The following VWA3B variants were observed in gnomAD, a reference collection of about 807,000 sequenced individuals.
The protein encoded by VWA3B is von Willebrand factor A domain-containing protein 3B.
VWA3B carries 138 observed loss-of-function variants against 158.3 expected under a neutral mutation model. The ratio of observed to expected loss-of-function variants is 0.87; its 90% CI spans 0.76 to 1.00. The LOEUF (loss-of-function observed/expected upper bound fraction) is 1.00, where lower values mean the gene tolerates loss of function less well. VWA3B is among the 50% of genes least tolerant of loss of function. VWA3B has a pLI of 0.00. For synonymous variants in VWA3B, 596 were observed against 587.3 expected (o/e 1.01, Z -0.21); for missense variants, 1,555 against 1,565.1 (o/e 0.99, Z 0.11).
chr2:98,300,532 G>A (rs924454881), intron 25 of VWA3B, among the ~76,000 whole-genome samples: 4 of 152,012 alleles, frequency 2.6e-5, no homozygotes, highest in African/African-American at 4.8e-5. Flanking sequence ...TCATCCTCGC[G>A]TCCTCATCCT....
At chr2:98,194,996 T>C (rs971363630) in intron 12 of VWA3B, among the ~76,000 whole-genome samples, 2 of 152,214 alleles carry the variant, frequency 1.3e-5, no homozygotes, top group African/African-American at 4.8e-5. Context: ...TCCTCAGAAG[T>C]GACTGCCCTT....
intron 19 of VWA3B, among the ~76,000 whole-genome samples, chr2:98,240,717 T>A: frequency 6.6e-6 from 1 of 152,148 alleles, no homozygotes; most frequent in East Asian, 1.9e-4. Context: ...CCTCATTGGT[T>A]CATATGCTGA....
chr2:98,252,043 G>A (rs527986171), intron 20 of VWA3B, among the ~76,000 whole-genome samples: 15 of 152,270 alleles, frequency 9.9e-5, no homozygotes, highest in South Asian at 2.1e-4. Flanking sequence ...GCTCCTCTCC[G>A]GTTATGCTGC....
chr2:98,326,881 G>C, the VWA3B span, among the ~76,000 whole-genome samples: 1 of 151,866 alleles, frequency 6.6e-6, no homozygotes, highest in African/African-American at 2.4e-5. Flanking sequence ...AGCCAGAAAA[G>C]ATAAACAGAT....
chr2:98,090,246 CAT>C (rs1211524210), intron 1 of VWA3B, among the ~76,000 whole-genome samples: 3 of 152,138 alleles, frequency 2.0e-5, no homozygotes, highest in Non-Finnish European at 4.4e-5. Flanking sequence ...CAAGTTGAGG[CAT>C]ATTAGTCTGC....
chr2:98,166,764 G>A (rs1679105473), intron 8 of VWA3B, among the ~76,000 whole-genome samples: 1 of 147,264 alleles, frequency 6.8e-6, no homozygotes, highest in African/African-American at 2.6e-5. Flanking sequence ...CAGATACTGG[G>A]CAATGATGTA....
At chr2:98,115,873 G>A (rs896701807) in intron 3 of VWA3B, 127 bp downstream of exon 3, 2 of 688,412 alleles carry the variant, frequency 2.9e-6, no homozygotes, top group African/African-American at 3.6e-5. Context: ...TTATTAGGCT[G>A]GGGGTTTTCT....
In VWA3B at chr2:98,217,979, A is replaced by G; in HGVS notation, c.1970A>G (p.His657Arg). 1 of 1,612,924 alleles carries G rather than the reference A, an allele frequency of 6.2e-7. No homozygotes were observed. The highest frequency in any genetic ancestry group is 1.1e-5 in the South Asian group (1 of 90,918). Residue 657 changes from histidine to arginine, a missense_variant, in exon 14 of 28, where the codon CAT becomes CGT. Coordinates refer to ENST00000477737, the MANE Select transcript of VWA3B (RefSeq NM_144992.5). ...EVAALTGGEF[H>R]FYNFGCKDPT... ...GCTGCTTTGACTGGAGGAGAGTTCC[A>G]TTTTTATAATTTTGGTTGCAAGGAT...
In VWA3B at chr2:98,117,845, C is replaced by T. The variant is rs547406726; in HGVS notation, c.292-1668C>T. The stretch of plus-strand genomic sequence containing the variant: ...GCTCACTCCGCCTCCTGCGTTCAAG[C>T]GATTCTCCAGCCTCGGCCTCCCAAG... On this transcript the variant is annotated intron_variant, in intron 3 of 27. Coordinates refer to ENST00000477737, the MANE Select transcript of VWA3B (RefSeq NM_144992.5). Among the ~76,000 whole-genome samples the T allele has an allele frequency of 1.5e-4, 23 of 150,350 alleles. No individual in the cohort carries two copies. The South Asian group carries it at 1.7e-3, about 11-fold the overall frequency.
chr2:98,207,280 G>T, intron 12 of VWA3B: 1 of 498,536 alleles, frequency 2.0e-6, no homozygotes, highest in Non-Finnish European at 4.1e-6. Context: ...TCATTTGGAT[G>T]CCACCACTGT....
At chr2:98,155,078 AG>A in intron 7 of VWA3B, among the ~76,000 whole-genome samples, 1 of 152,344 alleles carries the variant, frequency 6.6e-6, no homozygotes, top group South Asian at 2.1e-4. Flanking sequence ...ACTTACAGAT[AG>A]TGGAAGCCCA....
At chr2:98,121,735 C>A (rs926282852) in intron 5 of VWA3B, among the ~76,000 whole-genome samples, 1 of 151,878 alleles carries the variant, frequency 6.6e-6, no homozygotes, top group Non-Finnish European at 1.5e-5. Context: ...GAGCCGAGTG[C>A]GACTCACACC....
chr2:98,257,174 GT>G (rs1687209295), intron 21 of VWA3B, among the ~76,000 whole-genome samples: 1 of 151,512 alleles, frequency 6.6e-6, no homozygotes, highest in Admixed American at 6.6e-5. Context: ...ACTTTTTTTT[GT>G]TTTTAGCTCC....
chr2:98,276,655 C>T (rs998092210), intron 22 of VWA3B, among the ~76,000 whole-genome samples: 2 of 147,428 alleles, frequency 1.4e-5, no homozygotes, highest in African/African-American at 2.5e-5. Flanking sequence ...GTGGCCATTG[C>T]GTTTGGAATG....
chr2:98,295,018 A>G (rs1328588317), intron 23 of VWA3B, among the ~76,000 whole-genome samples: 1 of 152,114 alleles, frequency 6.6e-6, no homozygotes, highest in Non-Finnish European at 1.5e-5. Context: ...AGTAGGGATA[A>G]ACACCTCGCC....
intron 22 of VWA3B, among the ~76,000 whole-genome samples, chr2:98,273,671 A>G (rs1459866478): frequency 6.6e-6 from 1 of 152,194 alleles, no homozygotes; most frequent in African/African-American, 2.4e-5. Context: ...GATGCCAAGC[A>G]CTATTCGAAG....
chr2:98,280,601 C>G (rs1178001768), intron 22 of VWA3B, among the ~76,000 whole-genome samples: 1 of 152,230 alleles, frequency 6.6e-6, no homozygotes, highest in Non-Finnish European at 1.5e-5. Flanking sequence ...TGAGGCCAGA[C>G]CGCTCACCAG....
Position 98,300,211 on chromosome 2 carries a change from C to G in VWA3B, c.3415C>G (p.Arg1139Gly), listed in dbSNP as rs1450242835. 1 of 1,614,072 alleles carries G rather than the reference C, an allele frequency of 6.2e-7. No individual in the cohort carries two copies. Among genetic ancestry groups the G allele is most frequent in the Non-Finnish European group, 8.5e-7 (1 of 1,180,004 alleles). The change falls in exon 25 of 28, where the codon CGG (arginine) becomes GGG (glycine). Residue 1139 changes from arginine (R) to glycine (G), a missense_variant. Transcript: ENST00000477737. ...KFYTVLKCNN[R>G]REFCPRSALI... Reference sequence around the variant, plus strand: ...CTACACAGTTTTGAAGTGTAACAACCGGAGAGTAAGTAGATTTTCATTTAG... The same window carrying G: ...CTACACAGTTTTGAAGTGTAACAACGGGAGAGTAAGTAGATTTTCATTTAG...
intron 9 of VWA3B, 23 bp downstream of exon 9, chr2:98,181,235 A>C: frequency 6.2e-6 from 10 of 1,608,888 alleles, no homozygotes; most frequent in Non-Finnish European, 8.5e-6. Flanking sequence ...CACTCCTGGG[A>C]GGGGCTGGGG....
Sources: gnomAD v4.1 joint callset for allele counts (sites outside exome capture counted in the v4.1 genomes callset) on GRCh38, gnomAD v4.1.1 for gene constraint, MANE v1.5 for transcripts, NCBI Gene and HGNC (gene_info 2026-07-23, HGNC 2026-07-21) for gene names.